The following KSR2 variants were observed in gnomAD, a reference collection of about 807,000 sequenced individuals.
The protein encoded by KSR2 is kinase suppressor of ras 2.
A neutral mutation model predicts 107.8 loss-of-function variants in KSR2; 25 were observed. The ratio of observed to expected loss-of-function variants is 0.23; its 90% CI spans 0.17 to 0.32. The LOEUF (loss-of-function observed/expected upper bound fraction) is 0.32. Among genes scored for constraint, KSR2 ranks in the 10% least tolerant of loss-of-function variants. The probability of loss-of-function intolerance (pLI) is 1.00; values close to 1 mark genes in which losing one functional copy is unlikely to be tolerated. For synonymous variants in KSR2, 480 were observed against 507.0 expected (o/e 0.95, Z 0.71); for missense variants, 887 against 1,268.9 (o/e 0.70, Z 4.57).
intron 1 of KSR2, among the ~76,000 whole-genome samples, chr12:117,947,516 TC>T (rs1166489465): frequency 6.6e-6 from 1 of 152,024 alleles, no homozygotes; most frequent in Non-Finnish European, 1.5e-5. Flanking sequence ...CTCCCACTAT[TC>T]CCATCCAACA....
rs1438234436 is a variant in KSR2, at chr12:117,539,710, T to A, written c.1687+9A>T. 6.9e-6 allele frequency: 11 copies of A among 1,595,914 alleles called. No individual in the cohort carries two copies. The highest frequency in any genetic ancestry group is 6.8e-6 in the Non-Finnish European group (8 of 1,172,520). Reference sequence around the variant, plus strand: ...TGCACCCCTCATGTCTCCCCAAGCATGGAGGTACCTGGCAGGTTGAAGTTC... The same window carrying A: ...TGCACCCCTCATGTCTCCCCAAGCAAGGAGGTACCTGGCAGGTTGAAGTTC... On this transcript the variant is annotated intron_variant, in intron 10 of 19. Transcript: ENST00000339824.
intron 5 of KSR2, among the ~76,000 whole-genome samples, chr12:117,647,935 C>A (rs1883725042): frequency 6.6e-6 from 1 of 152,062 alleles, no homozygotes; most frequent in Admixed American, 6.5e-5. Flanking sequence ...TCTCAAATAC[C>A]TGGGCTCAAG....
chr12:117,893,907 C>CT (rs56095185), intron 1 of KSR2, among the ~76,000 whole-genome samples: 2,954 of 129,246 alleles, frequency 0.023, 86 homozygotes, highest in African/African-American at 0.05. Flanking sequence ...GAACAAAATT[C>CT]TTTTTTTTTT....
chr12:117,668,501 C>T (rs975642210), intron 4 of KSR2, among the ~76,000 whole-genome samples: 2 of 152,178 alleles, frequency 1.3e-5, no homozygotes, highest in Admixed American at 1.3e-4. Flanking sequence ...CACCCTTCAT[C>T]GCTGTGTCCA....
intron 1 of KSR2, among the ~76,000 whole-genome samples, chr12:117,879,571 G>T (rs1001067107): frequency 6.6e-6 from 1 of 152,138 alleles, no homozygotes; most frequent in Non-Finnish European, 1.5e-5. Flanking sequence ...AAAATAATTA[G>T]CCAGGTGTGG....
At chr12:117,870,208 G>C (rs947858224) in intron 1 of KSR2, among the ~76,000 whole-genome samples, 5 of 152,212 alleles carry the variant, frequency 3.3e-5, no homozygotes, top group African/African-American at 1.2e-4. Flanking sequence ...TTCTAGCTCT[G>C]AGGTTTGGGC....
chr12:117,684,405 A>G lies in KSR2; in HGVS notation c.987-16747T>C, dbSNP rs1410460526. 2.0e-5 allele frequency among the ~76,000 whole-genome samples: 3 copies of G among 152,364 alleles called. No homozygotes were observed. The East Asian group carries it at 5.8e-4, about 29-fold the overall frequency. ...AAAAACAGTTTAACTAAACAAATACATGAAAATCCAAGTGTTTCCACTGTA... is the reference window on the plus strand; with the variant it reads ...AAAAACAGTTTAACTAAACAAATACGTGAAAATCCAAGTGTTTCCACTGTA... On this transcript the variant is annotated intron_variant, in intron 4 of 19. Transcript: ENST00000339824.
intron 3 of KSR2, among the ~76,000 whole-genome samples, chr12:117,847,955 C>T (rs544759410): frequency 1.8e-4 from 28 of 151,946 alleles, no homozygotes; most frequent in Admixed American, 1.7e-3. Flanking sequence ...GATAAACACA[C>T]GTGGGAGGGG....
At chr12:117,787,162 G>A (rs1890106634) in intron 3 of KSR2, among the ~76,000 whole-genome samples, 1 of 152,120 alleles carries the variant, frequency 6.6e-6, no homozygotes. Context: ...AGTTTAAAGT[G>A]TGTATTTATG....
At chr12:117,934,417 T>C (rs777328633) in intron 1 of KSR2, among the ~76,000 whole-genome samples, 1 of 152,140 alleles carries the variant, frequency 6.6e-6, no homozygotes, top group South Asian at 2.1e-4. Flanking sequence ...GGTGATAAAA[T>C]GCAAGTGTGG....
chr12:117,782,426 G>A (rs1889918837), intron 3 of KSR2, among the ~76,000 whole-genome samples: 1 of 152,046 alleles, frequency 6.6e-6, no homozygotes, highest in African/African-American at 2.4e-5. Context: ...ACTACACTTA[G>A]CTAATCTTTT....
At chr12:117,510,877 C>CAAA (rs58668449) in intron 14 of KSR2, among the ~76,000 whole-genome samples, 7 of 103,166 alleles carry the variant, frequency 6.8e-5, no homozygotes, top group African/African-American at 2.6e-4. Context: ...GACCCTGTCT[C>CAAA]AAAAAAAAAA....
chr12:117,559,567 A>G (rs571159368), intron 7 of KSR2, among the ~76,000 whole-genome samples: 1 of 152,138 alleles, frequency 6.6e-6, no homozygotes, highest in Non-Finnish European at 1.5e-5. Flanking sequence ...GTGGCCGCTC[A>G]TTTTTCTTAA....
At chr12:117,819,627 A>G (rs1439742717) in intron 3 of KSR2, among the ~76,000 whole-genome samples, 1 of 152,236 alleles carries the variant, frequency 6.6e-6, no homozygotes, top group Non-Finnish European at 1.5e-5. Flanking sequence ...CTCACGTTCA[A>G]AAGAAGTGGA....
chr12:117,740,588 C>T (rs1361834420), intron 4 of KSR2, among the ~76,000 whole-genome samples: 17 of 60,082 alleles, frequency 2.8e-4, no homozygotes, highest in South Asian at 9.9e-4. Context: ...TATATATGTA[C>T]TATATACATA....
Position 117,608,231 on chromosome 12 carries a change from G to A in KSR2, c.1172-25872C>T, listed in dbSNP as rs115959906. Reference sequence around the variant, plus strand: ...TGTCTAATGGTGTCCAATAATATGAGCTTGCCTAGCCCACGGGTTCCTTGA... The same window carrying A: ...TGTCTAATGGTGTCCAATAATATGAACTTGCCTAGCCCACGGGTTCCTTGA... On this transcript the variant is annotated intron_variant, in intron 5 of 19. Transcript: ENST00000339824. Among the ~76,000 whole-genome samples the A allele has an allele frequency of 2.8e-3, 420 of 152,288 alleles. 1 individual carries two copies. Among genetic ancestry groups the A allele is most frequent in the African/African-American group, 9.4e-3 (392 of 41,552 alleles).
chr12:117,634,585 C>A (rs769349962), intron 5 of KSR2, among the ~76,000 whole-genome samples: 62 of 152,118 alleles, frequency 4.1e-4, no homozygotes, highest in Non-Finnish European at 2.5e-4. Flanking sequence ...CACACACAAG[C>A]GAGGAGGAAT....
chr12:117,471,358 G>A lies in KSR2; in HGVS notation c.2583-38C>T, dbSNP rs543025451. The A allele has an allele frequency of 6.3e-6, 10 of 1,599,644 alleles. No individual in the cohort carries two copies. The Admixed American group carries it at 6.8e-5, about 11-fold the overall frequency. On this transcript the variant is annotated intron_variant, in intron 17 of 19. Transcript: ENST00000339824. ...GTTGTTAAAGGGGTGTTGGTGTGGT[G>A]TGTCACTTGCAACCTTGTACCTCCA...
chr12:117,622,763 G>A (rs1191873224), intron 5 of KSR2, among the ~76,000 whole-genome samples: 1 of 152,178 alleles, frequency 6.6e-6, no homozygotes, highest in Non-Finnish European at 1.5e-5. Flanking sequence ...GGAATAAGAA[G>A]AGATAATTTC....
Sources: allele counts gnomAD v4.1 joint callset (sites outside exome capture counted in the v4.1 genomes callset), GRCh38; gene constraint gnomAD v4.1.1; transcripts MANE v1.5; gene names NCBI Gene and HGNC (gene_info 2026-07-23, HGNC 2026-07-21).